Variants in FMN2 observed in about 807,000 individuals in gnomAD.
The protein encoded by FMN2 is formin 2.
FMN2 carries 51 observed loss-of-function variants against 142.3 expected under a neutral mutation model. The ratio of observed to expected loss-of-function variants is 0.36; its 90% CI spans 0.29 to 0.45. The LOEUF (loss-of-function observed/expected upper bound fraction) is 0.45, where lower values mean the gene tolerates loss of function less well. FMN2 is among the 20% of genes least tolerant of loss of function. FMN2 has a pLI of 1.00. For synonymous variants in FMN2, 882 were observed against 869.8 expected, an observed-to-expected ratio of 1.01 and a Z score of -0.25; for missense variants, 1,936 against 2,122.8, an observed-to-expected ratio of 0.91 and a Z score of 1.73.
At chr1:240,134,982 G>A (rs1457507026) in intron 2 of FMN2, among the ~76,000 whole-genome samples, 1 of 152,158 alleles carries the variant, frequency 6.6e-6, no homozygotes, top group African/African-American at 2.4e-5. Flanking sequence ...TGACCATCCC[G>A]TAGTGACTCC....
intron 6 of FMN2, among the ~76,000 whole-genome samples, chr1:240,215,240 CAAT>C (rs1666851671): frequency 6.6e-6 from 1 of 152,116 alleles, no homozygotes; most frequent in South Asian, 2.1e-4. Context: ...ATTATTACAG[CAAT>C]AATAACCATG....
chr1:240,364,771 T>G (rs2103059935), intron 14 of FMN2, among the ~76,000 whole-genome samples: 1 of 152,324 alleles, frequency 6.6e-6, no homozygotes, highest in South Asian at 2.1e-4. Flanking sequence ...TGTTCCATGC[T>G]GTGTCTTCAG....
In FMN2 at chr1:240,293,401, C is replaced by T. The variant is rs188982452; in HGVS notation, c.4154-1421C>T. On this transcript the variant is annotated intron_variant, in intron 7 of 17. Transcript: ENST00000319653. ...AGCTGATGAATTCCAAAATCAGAAA[C>T]CTTTGGATTCACTGTAAGATATTCT... Among the ~76,000 whole-genome samples the T allele has an allele frequency of 2.3e-3, 357 of 152,124 alleles. 3 individuals carry two copies. Among genetic ancestry groups the T allele is most frequent in the African/African-American group, 8.3e-3 (343 of 41,522 alleles).
chr1:240,255,407 C>T (rs559280622), intron 6 of FMN2, among the ~76,000 whole-genome samples: 18 of 152,178 alleles, frequency 1.2e-4, no homozygotes, highest in African/African-American at 4.3e-4. Context: ...TGATGGTGCC[C>T]ATTTGTCCAA....
intron 2 of FMN2, among the ~76,000 whole-genome samples, chr1:240,136,655 C>G (rs1662952463): frequency 6.6e-6 from 1 of 152,112 alleles, no homozygotes; most frequent in South Asian, 2.1e-4. Context: ...CTCGACTTTT[C>G]TGTCATGATT....
At chr1:240,204,863 T>C (rs896990919) in intron 4 of FMN2, among the ~76,000 whole-genome samples, 2 of 152,212 alleles carry the variant, frequency 1.3e-5, no homozygotes, top group Non-Finnish European at 2.9e-5. Flanking sequence ...GTAAATACCC[T>C]TTCTGTCTTG....
intron 1 of FMN2, among the ~76,000 whole-genome samples, chr1:240,113,120 G>T (rs1021388453): frequency 2.6e-5 from 4 of 152,120 alleles, no homozygotes; most frequent in African/African-American, 9.7e-5. Flanking sequence ...TGTCTGTCTA[G>T]GAACAGTGAT....
chr1:240,341,207 C>T (rs1572211168), intron 13 of FMN2, among the ~76,000 whole-genome samples: 2 of 152,058 alleles, frequency 1.3e-5, no homozygotes, highest in Non-Finnish European at 1.5e-5. Flanking sequence ...TTCATTTTCC[C>T]TCTAATTTCT....
At chr1:240,238,447 T>C (rs566635465) in intron 6 of FMN2, among the ~76,000 whole-genome samples, 38 of 152,360 alleles carry the variant, frequency 2.5e-4, no homozygotes, top group African/African-American at 8.9e-4. Context: ...TGTGTATGTA[T>C]CTGTAGATGT....
chr1:240,453,838 A>C lies in FMN2; in HGVS notation c.5060+15628A>C, dbSNP rs1426044975. On this transcript the variant is annotated intron_variant, in intron 16 of 17. Coordinates refer to ENST00000319653, the MANE Select transcript of FMN2 (RefSeq NM_020066.5). Reference sequence around the variant, plus strand: ...CCCCGTCTCTACTAAAAAGACAAAAAATTAGCCGGGCGCGGTGGCGGGCGC... The same window carrying C: ...CCCCGTCTCTACTAAAAAGACAAAACATTAGCCGGGCGCGGTGGCGGGCGC... Among the ~76,000 whole-genome samples, 3 of 56,876 alleles carry C rather than the reference A, an allele frequency of 5.3e-5. 1 individual carries two copies. The highest frequency in any genetic ancestry group is 1.6e-4 in the African/African-American group (3 of 18,902). 37.3% of individuals were successfully genotyped at this position (56,876 alleles called of 152,430 possible).
At chr1:240,176,719 C>A in intron 2 of FMN2, among the ~76,000 whole-genome samples, 1 of 152,174 alleles carries the variant, frequency 6.6e-6, no homozygotes, top group East Asian at 1.9e-4. Context: ...CTAAATAGCG[C>A]AGTTTCTGGT....
intron 7 of FMN2, among the ~76,000 whole-genome samples, chr1:240,279,263 GAA>G (rs761265981): frequency 7.0e-4 from 106 of 151,566 alleles, no homozygotes; most frequent in Middle Eastern, 3.4e-3. Context: ...TTTCTTTAAT[GAA>G]AAAAAAATTC....
At chr1:240,308,565 G>T (rs1467140967) in intron 8 of FMN2, among the ~76,000 whole-genome samples, 1 of 152,158 alleles carries the variant, frequency 6.6e-6, no homozygotes, top group Non-Finnish European at 1.5e-5. Context: ...CAGAAACTAA[G>T]AACCCACGAC....
At chr1:240,347,230 C>CGT (rs1305591834) in intron 13 of FMN2, among the ~76,000 whole-genome samples, 1 of 152,166 alleles carries the variant, frequency 6.6e-6, no homozygotes, top group Non-Finnish European at 1.5e-5. Context: ...ATGTGGAAAG[C>CGT]GTATACCATC....
At chr1:240,100,922 C>T (rs1227116128) in intron 1 of FMN2, among the ~76,000 whole-genome samples, 1 of 152,160 alleles carries the variant, frequency 6.6e-6, no homozygotes, top group African/African-American at 2.4e-5. Context: ...TCAGTTGAGT[C>T]TTTTTTTGTA....
chr1:240,207,083 GCCT>G lies in FMN2; in HGVS notation c.2275_2277del (p.Pro759del). 6.2e-7 allele frequency: 1 copy of G among 1,614,102 alleles called. No homozygotes were observed. Among genetic ancestry groups the G allele is most frequent in the East Asian group, 2.2e-5 (1 of 44,870 alleles). On this transcript the variant is annotated inframe_deletion, in exon 5 of 18. Coordinates refer to ENST00000319653, the MANE Select transcript of FMN2 (RefSeq NM_020066.5). ...CGGAAGAGGGCGGGGTGCTGACACT[GCCT>G]CCTGTGGATGGGCTGCCAGGGCGTC...
At chr1:240,200,809 T>A (rs1666094545) in intron 4 of FMN2, among the ~76,000 whole-genome samples, 1 of 152,306 alleles carries the variant, frequency 6.6e-6, no homozygotes, top group East Asian at 1.9e-4. Context: ...TTTTTCCATG[T>A]TCTCTTCTAT....
At chr1:240,372,237 A>G (rs1363174273) in intron 14 of FMN2, among the ~76,000 whole-genome samples, 2 of 152,152 alleles carry the variant, frequency 1.3e-5, no homozygotes, top group African/African-American at 4.8e-5. Context: ...CTCCATCTCA[A>G]AAAACAAAAA....
chr1:240,176,008 T>G (rs1664897525), intron 2 of FMN2, among the ~76,000 whole-genome samples: 2 of 152,208 alleles, frequency 1.3e-5, no homozygotes, highest in Admixed American at 1.3e-4. Context: ...GGTTGCCTTT[T>G]CACTCTGATT....
Sources: allele counts gnomAD v4.1 joint callset (sites outside exome capture counted in the v4.1 genomes callset), GRCh38; gene constraint gnomAD v4.1.1; transcripts MANE v1.5; gene names NCBI Gene and HGNC (gene_info 2026-07-23, HGNC 2026-07-21).